The following KLF12 variants were observed in gnomAD, a reference collection of about 807,000 sequenced individuals.
KLF12 encodes the protein Krueppel-like factor 12.
KLF12 carries 9 observed loss-of-function variants against 37.8 expected under a neutral mutation model. That is an observed-to-expected ratio of 0.24 (90% confidence interval 0.14 to 0.42). The LOEUF (loss-of-function observed/expected upper bound fraction) is 0.42. KLF12 is among the 10% of genes least tolerant of loss of function. The pLI, the probability that KLF12 is intolerant of heterozygous loss-of-function variation, is 1.00. For synonymous variants in KLF12, 208 were observed against 202.1 expected (o/e 1.03, Z -0.25); for missense variants, 411 against 516.0 (o/e 0.80, Z 1.97).
At chr13:73,749,509 G>C (rs1878600767) in intron 6 of KLF12, among the ~76,000 whole-genome samples, 1 of 152,132 alleles carries the variant, frequency 6.6e-6, no homozygotes, top group African/African-American at 2.4e-5. Context: ...GCCACACAAA[G>C]CCCATCCAGG....
intron 4 of KLF12, among the ~76,000 whole-genome samples, chr13:73,840,523 T>A (rs949732543): frequency 3.3e-5 from 5 of 152,110 alleles, no homozygotes; most frequent in African/African-American, 9.7e-5. Context: ...ACTGTGCTCA[T>A]CTTAGTAGAG....
At chr13:73,876,327 A>AGCTTTTAGT (rs1886703190) in intron 3 of KLF12, among the ~76,000 whole-genome samples, 1 of 152,098 alleles carries the variant, frequency 6.6e-6, no homozygotes, top group Admixed American at 6.5e-5. Flanking sequence ...GGCTACTCTC[A>AGCTTTTAGT]GGTCCTTGCA....
intron 3 of KLF12, among the ~76,000 whole-genome samples, chr13:73,915,722 C>CT (rs986394947): frequency 2.3e-5 from 3 of 130,576 alleles, no homozygotes; most frequent in Non-Finnish European, 3.1e-5. Flanking sequence ...TTAGTAGAGA[C>CT]TAGGTTTCGC....
At chr13:73,772,459 T>C (rs1880332094) in intron 5 of KLF12, among the ~76,000 whole-genome samples, 1 of 152,186 alleles carries the variant, frequency 6.6e-6, no homozygotes, top group Non-Finnish European at 1.5e-5. Context: ...GGAGTGAACC[T>C]GGGAGTTTCC....
At position 73,695,328 on chromosome 13, in the gene KLF12, T is replaced by C. The variant is rs1874064632; in HGVS notation, c.*162A>G. On this transcript the variant is annotated 3_prime_UTR_variant, in exon 8 of 8. Coordinates refer to ENST00000377669, the MANE Select transcript of KLF12 (RefSeq NM_007249.5). ...TCGTCTAGTCATGATGGGGGTTACCTTCAGACCAAAAGAAGTGTGCCTTCT... is the reference window on the plus strand; with the variant it reads ...TCGTCTAGTCATGATGGGGGTTACCCTCAGACCAAAAGAAGTGTGCCTTCT... The C allele has an allele frequency of 8.8e-6, 6 of 678,892 alleles. No individual in the cohort carries two copies. The highest frequency in any genetic ancestry group is 1.5e-5 in the Non-Finnish European group (6 of 407,504). 42.1% of individuals were successfully genotyped at this position (678,892 alleles called of 1,614,324 possible).
At chr13:74,228,204 A>G in the KLF12 span, among the ~76,000 whole-genome samples, 1 of 152,140 alleles carries the variant, frequency 6.6e-6, no homozygotes, top group Non-Finnish European at 1.5e-5. Flanking sequence ...CCTCTTCTAC[A>G]TTTTGCTGTA....
the KLF12 span, among the ~76,000 whole-genome samples, chr13:74,152,186 GATTTACTAAGCC>G: frequency 6.6e-6 from 1 of 152,206 alleles, no homozygotes; most frequent in African/African-American, 2.4e-5. Context: ...TCTGATTCCA[GATTTACTAAGCC>G]ATTTTTAAAA....
intron 3 of KLF12, among the ~76,000 whole-genome samples, chr13:73,930,660 TTAAAC>T (rs1889624642): frequency 6.6e-6 from 1 of 152,138 alleles, no homozygotes; most frequent in Non-Finnish European, 1.5e-5. Context: ...GAATACAGAA[TTAAAC>T]ACATCTATTT....
chr13:74,282,819 C>T, the KLF12 span, among the ~76,000 whole-genome samples: 1 of 152,148 alleles, frequency 6.6e-6, no homozygotes, highest in African/African-American at 2.4e-5. Context: ...TGCCGTGTGA[C>T]TTAGGGCAAG....
chr13:74,195,813 A>G, the KLF12 span, among the ~76,000 whole-genome samples: 1 of 152,058 alleles, frequency 6.6e-6, no homozygotes. Flanking sequence ...CGAACTCCTG[A>G]CCTCAAATAA....
At chr13:73,986,267 T>A (rs937502046) in intron 2 of KLF12, among the ~76,000 whole-genome samples, 3 of 152,172 alleles carry the variant, frequency 2.0e-5, no homozygotes, top group African/African-American at 7.2e-5. Context: ...AAATTAGATA[T>A]TTATTAGATT....
chr13:73,892,807 TCA>T (rs1887573278), intron 3 of KLF12, among the ~76,000 whole-genome samples: 1 of 152,238 alleles, frequency 6.6e-6, no homozygotes, highest in African/African-American at 2.4e-5. Context: ...GACCACTGTC[TCA>T]GTTACAATAA....
At chr13:73,755,803 T>A (rs1879121857) in intron 6 of KLF12, among the ~76,000 whole-genome samples, 1 of 151,918 alleles carries the variant, frequency 6.6e-6, no homozygotes, top group Non-Finnish European at 1.5e-5. Flanking sequence ...TTCTTATGCT[T>A]TTGCGTCCTC....
the KLF12 span, among the ~76,000 whole-genome samples, chr13:74,238,794 T>C: frequency 6.6e-5 from 10 of 152,164 alleles, no homozygotes; most frequent in Non-Finnish European, 7.4e-5. Context: ...ATATCCCCTT[T>C]ATCATTTTTT....
intron 5 of KLF12, among the ~76,000 whole-genome samples, chr13:73,808,368 T>C (rs892972491): frequency 1.3e-5 from 2 of 152,214 alleles, no homozygotes; most frequent in Non-Finnish European, 2.9e-5. Context: ...CTAAATTTAC[T>C]GATCCTGAGT....
chr13:73,895,455 G>C (rs528467976), intron 3 of KLF12, among the ~76,000 whole-genome samples: 1 of 152,260 alleles, frequency 6.6e-6, no homozygotes, highest in East Asian at 1.9e-4. Context: ...TTGGGTGATG[G>C]AATTTTTCAT....
At chr13:73,843,789 T>A (rs1884874861) in intron 4 of KLF12, among the ~76,000 whole-genome samples, 1 of 152,188 alleles carries the variant, frequency 6.6e-6, no homozygotes, top group South Asian at 2.1e-4. Context: ...ATATTCCTAA[T>A]GACCATAGCA....
the KLF12 span, among the ~76,000 whole-genome samples, chr13:74,290,536 G>A: frequency 6.6e-6 from 1 of 152,194 alleles, no homozygotes; most frequent in Non-Finnish European, 1.5e-5. Flanking sequence ...AAATAGAGCA[G>A]TAACCAGCAC....
chr13:73,914,754 T>A (rs1170623592), intron 3 of KLF12, among the ~76,000 whole-genome samples: 1 of 152,054 alleles, frequency 6.6e-6, no homozygotes, highest in Non-Finnish European at 1.5e-5. Context: ...CTTTAGTAAA[T>A]GGTCTGGGTG....
Sources: gnomAD v4.1 joint callset for allele counts (sites outside exome capture counted in the v4.1 genomes callset) on GRCh38, gnomAD v4.1.1 for gene constraint, MANE v1.5 for transcripts, NCBI Gene and HGNC (gene_info 2026-07-23, HGNC 2026-07-21) for gene names.